Variants in ZGRF1 observed in about 807,000 individuals in gnomAD.
ZGRF1 encodes the protein 5'-3' DNA helicase ZGRF1.
A neutral mutation model predicts 203.5 loss-of-function variants in ZGRF1; 196 were observed. The observed-to-expected ratio is 0.96, with a 90% CI of 0.86 to 1.08. ZGRF1 has a LOEUF of 1.08. Among genes scored for constraint, ZGRF1 ranks in the 50% least tolerant of loss-of-function variants. ZGRF1 has a pLI of 0.00. For synonymous variants in ZGRF1, 809 were observed against 841.3 expected (o/e 0.96, Z 0.66); for missense variants, 2,326 against 2,416.3 (o/e 0.96, Z 0.78).
At chr4:112,574,061 G>A (rs1396374117) in intron 16 of ZGRF1, among the ~76,000 whole-genome samples, 1 of 152,122 alleles carries the variant, frequency 6.6e-6, no homozygotes, top group Non-Finnish European at 1.5e-5. Context: ...AAATCAGTTT[G>A]GCATCACAAT....
Position 112,562,382 on chromosome 4 carries a change from G to A in ZGRF1, c.4686C>T (p.Tyr1562=), listed in dbSNP as rs369268244. 4 of 1,588,714 alleles carry A rather than the reference G, an allele frequency of 2.5e-6. No individual in the cohort carries two copies. In the African/African-American group the frequency reaches 5.4e-5, roughly 21 times the overall value. The change falls in exon 18 of 28, where the codon TAC becomes TAT. Residue 1562 remains tyrosine, a synonymous_variant. Transcript: ENST00000505019. ...FNPATLPLTQ[Y]LLTTSSPTIV... ...AAAAAATGACTTACGTTGTTAACAGGTACTGTGTTAGAGGTAGAGTAGCTG... is the reference window on the plus strand; with the variant it reads ...AAAAAATGACTTACGTTGTTAACAGATACTGTGTTAGAGGTAGAGTAGCTG...
In ZGRF1 at chr4:112,625,338, G is replaced by A. The variant is rs1213321504; in HGVS notation, c.103-1462C>T. Among the ~76,000 whole-genome samples the A allele has an allele frequency of 5.9e-5, 9 of 151,964 alleles. No individual in the cohort carries two copies. In the South Asian group the frequency reaches 6.2e-4, roughly 11 times the overall value. Reference sequence around the variant, plus strand: ...GCGGTGGCTCAAGCCTGTAATCCCAGCACTTTGGGAGGCCGAGGCGGCGGA... The same window carrying A: ...GCGGTGGCTCAAGCCTGTAATCCCAACACTTTGGGAGGCCGAGGCGGCGGA... On this transcript the variant is annotated intron_variant, in intron 3 of 27. Coordinates refer to ENST00000505019, the MANE Select transcript of ZGRF1 (RefSeq NM_018392.5).
intron 10 of ZGRF1, among the ~76,000 whole-genome samples, chr4:112,594,505 T>A (rs972369882): frequency 3.3e-5 from 5 of 151,458 alleles, no homozygotes; most frequent in Non-Finnish European, 7.4e-5. Context: ...CAGGCTAGAG[T>A]GCAGTGGCAT....
rs1355871709 is a variant in ZGRF1, at chr4:112,577,694, A to C, written c.4438+3969T>G. On this transcript the variant is annotated intron_variant, in intron 16 of 27. Transcript: ENST00000505019. ...AAAGAGACAAAGAAGGCCATTACAT[A>C]ATGGTAAAGGGATCAATTCAACAAG... 4.1e-5 allele frequency among the ~76,000 whole-genome samples: 5 copies of C among 123,326 alleles called. 1 individual carries two copies. The highest frequency in any genetic ancestry group is 9.1e-5 in the Non-Finnish European group (5 of 55,162). The allele number at this position is 123,326 out of a possible 152,430, so 80.9% of individuals were successfully genotyped here.
In ZGRF1 at chr4:112,584,114, G is replaced by A. The variant is rs1356518095; in HGVS notation, c.4162C>T (p.Leu1388Phe). 3.7e-6 allele frequency: 6 copies of A among 1,613,448 alleles called. No individual in the cohort carries two copies. The highest frequency in any genetic ancestry group is 5.1e-6 in the Non-Finnish European group (6 of 1,179,592). The change falls in exon 15 of 28, where the codon CTT becomes TTT. Residue 1388 changes from leucine (L) to phenylalanine (F), a missense_variant. Coordinates refer to ENST00000505019, the MANE Select transcript of ZGRF1 (RefSeq NM_018392.5). ...KADRCKFFKW[L>F]EDVTPGYSTQ... Reference sequence around the variant, plus strand: ...GAATATCCTGGAGTCACGTCCTCAAGCCATTTAAAGAATTTACATCGATCA... The same window carrying A: ...GAATATCCTGGAGTCACGTCCTCAAACCATTTAAAGAATTTACATCGATCA...
At chr4:112,608,878 C>A (rs1272797543) in intron 8 of ZGRF1, among the ~76,000 whole-genome samples, 3 of 152,034 alleles carry the variant, frequency 2.0e-5, no homozygotes, top group Non-Finnish European at 4.4e-5. Context: ...GTTTGCAAAA[C>A]TAACTTCATG....
chr4:112,554,718 T>C lies in ZGRF1; in HGVS notation c.5185A>G (p.Ile1729Val). 6.5e-7 allele frequency: 1 copy of C among 1,532,702 alleles called. No individual in the cohort carries two copies. The highest frequency in any genetic ancestry group is 1.2e-5 in the South Asian group (1 of 83,530). The allele number at this position is 1,532,702 out of a possible 1,614,324, so 94.9% of individuals were successfully genotyped here. Reference protein sequence around the residue: ...VGSVRKIAKPILPYSLHAGSE... With the variant: ...VGSVRKIAKPVLPYSLHAGSE... Reference sequence around the variant, plus strand: ...TTGCATTCTTACCTATAAGGTAAAATTGGTTTGGCAATCTTCCTAACACTC... The same window carrying C: ...TTGCATTCTTACCTATAAGGTAAAACTGGTTTGGCAATCTTCCTAACACTC... The change falls in exon 21 of 28, where the codon ATT becomes GTT. Residue 1729 changes from isoleucine (I) to valine (V), a missense_variant. Ile to Val is a conservative substitution (Grantham distance 29, BLOSUM62 3). Coordinates refer to ENST00000505019, the MANE Select transcript of ZGRF1 (RefSeq NM_018392.5).
At chr4:112,568,565 A>G (rs1314576765) in intron 16 of ZGRF1, among the ~76,000 whole-genome samples, 1 of 151,734 alleles carries the variant, frequency 6.6e-6, no homozygotes, top group Non-Finnish European at 1.5e-5. Context: ...AAAAAAAACT[A>G]GCCAGGCATA....
chr4:112,545,547 G>A (rs897505385), intron 24 of ZGRF1, among the ~76,000 whole-genome samples: 2 of 152,092 alleles, frequency 1.3e-5, no homozygotes, highest in East Asian at 1.9e-4. Context: ...GTAAAATGAC[G>A]CCGCTGCTAT....
chr4:112,562,463 A>C lies in ZGRF1; in HGVS notation c.4605T>G (p.Val1535=). Residue 1535 remains valine (V), a synonymous_variant, in exon 18 of 28, where the codon GTT becomes GTG. Coordinates refer to ENST00000505019, the MANE Select transcript of ZGRF1 (RefSeq NM_018392.5). ...PTNMVVHALL[V]CNASTELTTL... ...TAGTCAGTTCTGTGCTAGCATTACA[A>C]ACCAATAACGCATGGACAACCACTG... is the stretch of plus-strand genomic sequence containing the variant. 2.5e-6 allele frequency: 4 copies of C among 1,606,448 alleles called. No homozygotes were observed. Among genetic ancestry groups the C allele is most frequent in the Non-Finnish European group, 3.4e-6 (4 of 1,175,194 alleles).
intron 10 of ZGRF1, among the ~76,000 whole-genome samples, chr4:112,596,404 TA>T (rs1749019192): frequency 6.6e-6 from 1 of 152,070 alleles, no homozygotes; most frequent in African/African-American, 2.4e-5. Flanking sequence ...TGGACTAAAA[TA>T]TTTGATAGAA....
At chr4:112,574,090 T>G (rs1744710133) in intron 16 of ZGRF1, among the ~76,000 whole-genome samples, 1 of 152,224 alleles carries the variant, frequency 6.6e-6, no homozygotes, top group Admixed American at 6.5e-5. Context: ...GTGTGAAGTA[T>G]GTTCATATGC....
intron 12 of ZGRF1, 58 bp from the exon 13 acceptor site, chr4:112,586,641 G>T: frequency 8.0e-7 from 1 of 1,245,602 alleles, no homozygotes; most frequent in South Asian, 1.9e-5. Context: ...GTTTACTAAA[G>T]AGTAAATTAT....
intron 3 of ZGRF1, chr4:112,628,532 A>C: frequency 2.2e-6 from 1 of 453,060 alleles, no homozygotes; most frequent in Non-Finnish European, 4.4e-6. Flanking sequence ...GATAGAGAAA[A>C]GGCATAACTA....
rs75093953 is a variant in ZGRF1 at position 112,616,169 on chromosome 4, T to G, written c.2602+1271A>C. The stretch of plus-strand genomic sequence containing the variant: ...TGGAAGCTATCTTGTATTGCAGATT[T>G]GAGAAGGTATACTGATACTGGGAGC... On this transcript the variant is annotated intron_variant, in intron 6 of 27. Coordinates refer to ENST00000505019, the MANE Select transcript of ZGRF1 (RefSeq NM_018392.5). Among the ~76,000 whole-genome samples, 616 of 152,236 alleles carry G rather than the reference T, an allele frequency of 4.0e-3. 3 individuals are homozygous for G. Among genetic ancestry groups the G allele is most frequent in the African/African-American group, 0.014 (561 of 41,528 alleles).
intron 4 of ZGRF1, among the ~76,000 whole-genome samples, chr4:112,621,595 G>A (rs1261738800): frequency 6.6e-6 from 1 of 150,452 alleles, no homozygotes; most frequent in Non-Finnish European, 1.5e-5. Context: ...AGAGGTTGCG[G>A]TGAGGTGAGA....
chr4:112,549,308 A>G (rs1250703785), intron 22 of ZGRF1, among the ~76,000 whole-genome samples: 1 of 152,146 alleles, frequency 6.6e-6, no homozygotes, highest in Non-Finnish European at 1.5e-5. Flanking sequence ...AAATCTATGA[A>G]TTTTCTAATT....
At chr4:112,570,139 T>C (rs920459632) in intron 16 of ZGRF1, among the ~76,000 whole-genome samples, 4 of 152,184 alleles carry the variant, frequency 2.6e-5, no homozygotes, top group Admixed American at 2.0e-4. Context: ...CAAGACTATA[T>C]AGAAGATCTG....
chr4:112,564,907 G>C (rs576502152), intron 16 of ZGRF1: 1 of 673,704 alleles, frequency 1.5e-6, no homozygotes, highest in Non-Finnish European at 2.7e-6. Context: ...CGCCGCCGTC[G>C]CTCTCCAACG....
Sources: allele counts gnomAD v4.1 joint callset (sites outside exome capture counted in the v4.1 genomes callset), GRCh38; gene constraint gnomAD v4.1.1; transcripts MANE v1.5; gene names NCBI Gene and HGNC (gene_info 2026-07-23, HGNC 2026-07-21).